Variants in ARL15 observed in about 807,000 individuals in gnomAD.
ARL15 encodes the protein ARF like GTPase 15.
A neutral mutation model predicts 25.2 loss-of-function variants in ARL15; 19 were observed. The ratio of observed to expected loss-of-function variants is 0.75; its 90% CI spans 0.53 to 1.10. The LOEUF is 1.10. Among genes scored for constraint, ARL15 ranks in the 50% least tolerant of loss-of-function variants. The probability of loss-of-function intolerance (pLI) is 0.00; values close to 1 mark genes in which losing one functional copy is unlikely to be tolerated. For missense variants in ARL15, 220 were observed against 246.0 expected (o/e 0.89, Z 0.71); for synonymous variants, 94 against 86.8 (o/e 1.08, Z -0.46).
At chr5:53,939,978 CTTT>C (rs11344083) in intron 4 of ARL15, among the ~76,000 whole-genome samples, 9 of 121,836 alleles carry the variant, frequency 7.4e-5, no homozygotes, top group Admixed American at 1.6e-4. Context: ...AAGTCCTGAA[CTTT>C]TTTTTTTTTT....
chr5:54,296,164 C>T (rs1758461320), intron 1 of ARL15, among the ~76,000 whole-genome samples: 1 of 152,172 alleles, frequency 6.6e-6, no homozygotes, highest in Non-Finnish European at 1.5e-5. Context: ...CCCAGTTACC[C>T]TACACTATGC....
At chr5:54,120,925 C>G (rs998609665) in intron 3 of ARL15, among the ~76,000 whole-genome samples, 2 of 152,168 alleles carry the variant, frequency 1.3e-5, no homozygotes, top group African/African-American at 2.4e-5. Flanking sequence ...GCCAATTTCC[C>G]CAACCAGTAT....
At chr5:54,237,953 G>A (rs1278039491) in intron 1 of ARL15, among the ~76,000 whole-genome samples, 1 of 152,072 alleles carries the variant, frequency 6.6e-6, no homozygotes, top group Non-Finnish European at 1.5e-5. Context: ...TAATTCCACT[G>A]GGATTTGAAT....
intron 1 of ARL15, among the ~76,000 whole-genome samples, chr5:54,213,320 A>G (rs944465552): frequency 1.3e-5 from 2 of 152,288 alleles, no homozygotes; most frequent in South Asian, 2.1e-4. Flanking sequence ...CAAGTCCAAA[A>G]TGGTAACTGT....
intron 4 of ARL15, among the ~76,000 whole-genome samples, chr5:54,006,702 T>C (rs1224470111): frequency 6.6e-6 from 1 of 152,194 alleles, no homozygotes; most frequent in African/African-American, 2.4e-5. Context: ...TTGTTATCCA[T>C]GAGGTGGGGA....
intron 4 of ARL15, among the ~76,000 whole-genome samples, chr5:54,015,268 G>T (rs1488008724): frequency 2.2e-4 from 32 of 148,562 alleles, no homozygotes; most frequent in Admixed American, 2.1e-3. Flanking sequence ...CTCCAGCCTA[G>T]GTAACAATAG....
At chr5:54,007,346 C>A (rs944186905) in intron 4 of ARL15, among the ~76,000 whole-genome samples, 3 of 152,080 alleles carry the variant, frequency 2.0e-5, no homozygotes, top group African/African-American at 7.2e-5. Flanking sequence ...TGGTCAATTT[C>A]TTTACTACCC....
chr5:54,157,186 T>A (rs1754261332), intron 2 of ARL15, among the ~76,000 whole-genome samples: 1 of 152,236 alleles, frequency 6.6e-6, no homozygotes, highest in Non-Finnish European at 1.5e-5. Flanking sequence ...ATGTTTAATC[T>A]GCTTTGATTC....
chr5:54,256,792 C>T lies in ARL15; in HGVS notation c.48+53640G>A, dbSNP rs545657811. 2.2e-4 allele frequency among the ~76,000 whole-genome samples: 33 copies of T among 152,046 alleles called. No individual in the cohort carries two copies. In the East Asian group the frequency reaches 3.1e-3, roughly 14 times the overall value. On this transcript the variant is annotated intron_variant, in intron 1 of 4. Coordinates refer to ENST00000504924, the MANE Select transcript of ARL15 (RefSeq NM_019087.3). Reference sequence around the variant, plus strand: ...GGATGCAGGGATGGTTTAACATATTCAAGTCAATAAATGTAATTCATCACA... The same window carrying T: ...GGATGCAGGGATGGTTTAACATATTTAAGTCAATAAATGTAATTCATCACA...
chr5:53,969,563 C>G (rs1295810813), intron 4 of ARL15, among the ~76,000 whole-genome samples: 3 of 152,166 alleles, frequency 2.0e-5, no homozygotes, highest in Non-Finnish European at 4.4e-5. Context: ...GAAACACGTT[C>G]TGGTGAATGA....
intron 4 of ARL15, among the ~76,000 whole-genome samples, chr5:53,927,332 C>G (rs1416435748): frequency 6.6e-6 from 1 of 152,178 alleles, no homozygotes; most frequent in Non-Finnish European, 1.5e-5. Flanking sequence ...CTTGCCAAGT[C>G]ACAAATGAAG....
At position 54,264,938 on chromosome 5, in the gene ARL15, T is replaced by A. The variant is rs549317183; in HGVS notation, c.48+45494A>T. Among the ~76,000 whole-genome samples, 40 of 152,318 alleles carry A rather than the reference T, an allele frequency of 2.6e-4. No homozygotes were observed. In the South Asian group the frequency reaches 4.8e-3, roughly 18 times the overall value. ...TTATTGTTTACTGTGTCTCTCCCCA[T>A]TAGAATGTAAACTCTACAAGGGGAG... is the stretch of plus-strand genomic sequence containing the variant. On this transcript the variant is annotated intron_variant, in intron 1 of 4. Transcript: ENST00000504924.
At chr5:54,012,922 C>T (rs1749294736) in intron 4 of ARL15, among the ~76,000 whole-genome samples, 2 of 151,640 alleles carry the variant, frequency 1.3e-5, no homozygotes, top group Admixed American at 1.3e-4. Flanking sequence ...GCCTCAGCCT[C>T]CTGAATAGCT....
intron 2 of ARL15, among the ~76,000 whole-genome samples, chr5:54,165,183 C>T (rs957641006): frequency 5.3e-5 from 8 of 151,942 alleles, no homozygotes; most frequent in Non-Finnish European, 1.0e-4. Context: ...AGGCATTTTA[C>T]TTTTACATAT....
chr5:53,935,037 C>T (rs1462106743), intron 4 of ARL15, among the ~76,000 whole-genome samples: 1 of 152,244 alleles, frequency 6.6e-6, no homozygotes, highest in East Asian at 1.9e-4. Flanking sequence ...TAAAGACAGA[C>T]ATGGAACTGA....
intron 1 of ARL15, among the ~76,000 whole-genome samples, chr5:54,247,196 C>G (rs1278243226): frequency 6.7e-6 from 1 of 150,088 alleles, no homozygotes; most frequent in Non-Finnish European, 1.5e-5. Flanking sequence ...TTAAAAGTAA[C>G]CTAGAAATTA....
Position 54,128,706 on chromosome 5 carries a change from C to CTT in ARL15, c.254-15298_254-15297dup, listed in dbSNP as rs34430326. Among the ~76,000 whole-genome samples the CTT allele has an allele frequency of 2.7e-3, 349 of 130,216 alleles. 5 individuals carry two copies. Among genetic ancestry groups the CTT allele is most frequent in the East Asian group, 9.0e-3 (40 of 4,452 alleles). The allele number at this position is 130,216 out of a possible 152,430, so 85.4% of individuals were successfully genotyped here. ...ATTTCCTATATTTATTATTTTGATT[C>CTT]TTTTTTTTTTTTTTTTTGAGATGGA... On this transcript the variant is annotated intron_variant, in intron 3 of 4. Coordinates refer to ENST00000504924, the MANE Select transcript of ARL15 (RefSeq NM_019087.3).
chr5:53,908,567 C>T (rs2111969611), intron 4 of ARL15, among the ~76,000 whole-genome samples: 1 of 152,284 alleles, frequency 6.6e-6, no homozygotes, highest in Middle Eastern at 3.4e-3. Context: ...ACAAATGCCC[C>T]ATGGATACTG....
intron 1 of ARL15, among the ~76,000 whole-genome samples, chr5:54,227,427 G>A (rs746776227): frequency 1.3e-5 from 2 of 152,164 alleles, no homozygotes; most frequent in Non-Finnish European, 2.9e-5. Flanking sequence ...AGGCTCTCTG[G>A]GAGGCAGGTA....
Sources: gnomAD v4.1 joint callset for allele counts (sites outside exome capture counted in the v4.1 genomes callset) on GRCh38, gnomAD v4.1.1 for gene constraint, MANE v1.5 for transcripts, NCBI Gene and HGNC (gene_info 2026-07-23, HGNC 2026-07-21) for gene names.